Variants in PLA2G2C observed in about 807,000 individuals in gnomAD.
PLA2G2C encodes phospholipase A2 group IIC.
Under a neutral mutation model 14.3 loss-of-function variants are expected in PLA2G2C, and 15 were observed. That is an observed-to-expected ratio of 1.05 (90% confidence interval 0.70 to 1.62). PLA2G2C has a LOEUF of 1.62. Among genes scored for constraint, PLA2G2C ranks in the 40% most tolerant of loss-of-function variants. The pLI is 0.00. For synonymous variants in PLA2G2C, 79 were observed against 67.7 expected, an observed-to-expected ratio of 1.17 and a Z score of -0.82; for missense variants, 162 against 173.2, an observed-to-expected ratio of 0.94 and a Z score of 0.36.
chr1:20,185,909 C>T (rs1282719857), intron 1 of PLA2G2C, among the ~76,000 whole-genome samples: 1 of 152,186 alleles, frequency 6.6e-6, no homozygotes, highest in East Asian at 1.9e-4. Context: ...GGCCGCGGGT[C>T]CCTGTCGCCT....
At chr1:20,179,212 C>CTGTGTGTG (rs35377696) in intron 1 of PLA2G2C, among the ~76,000 whole-genome samples, 36 of 149,864 alleles carry the variant, frequency 2.4e-4, no homozygotes, top group African/African-American at 8.0e-4. Context: ...GTCAGTTTCT[C>CTGTGTGTG]TGTGTGTGTG....
chr1:20,172,959 C>T (rs2018115120), intron 3 of PLA2G2C, 62 bp from the exon 4 acceptor site: 7 of 1,199,654 alleles, frequency 5.8e-6, no homozygotes, highest in South Asian at 1.3e-5. Flanking sequence ...AAAGGGCTCA[C>T]CTGCCTCCTC....
chr1:20,167,748 C>T (rs1353178078), intron 4 of PLA2G2C, among the ~76,000 whole-genome samples: 1 of 152,218 alleles, frequency 6.6e-6, no homozygotes, highest in Non-Finnish European at 1.5e-5. Flanking sequence ...CCTGTCCAAC[C>T]TCATCTCCAT....
Position 20,164,108 on chromosome 1 carries a change from G to A in PLA2G2C, c.333C>T (p.Ala111=), listed in dbSNP as rs765577662. The change falls in exon 5 of 5, where the codon GCC becomes GCT. Residue 111 remains alanine (A), a synonymous_variant. Transcript: ENST00000679259. ...PGASCHCRLK[A]CECDKQSVHC... is the part of the protein sequence containing the mutation. Reference sequence around the variant, plus strand: ...GCACGGATTGCTTGTCACACTCACAGGCCTTCAGCCTGCAGTGGCAGCTGG... The same window carrying A: ...GCACGGATTGCTTGTCACACTCACAAGCCTTCAGCCTGCAGTGGCAGCTGG... The A allele has an allele frequency of 6.2e-7, 1 of 1,613,894 alleles. No homozygotes were observed. The highest frequency in any genetic ancestry group is 1.3e-5 in the African/African-American group (1 of 75,046).
intron 1 of PLA2G2C, among the ~76,000 whole-genome samples, chr1:20,183,243 C>A (rs145804415): frequency 6.6e-6 from 1 of 152,240 alleles, no homozygotes. Flanking sequence ...TGACATCCAG[C>A]GAAGGTAAAT....
chr1:20,173,710 A>G (rs2018130756), intron 3 of PLA2G2C, among the ~76,000 whole-genome samples: 1 of 152,228 alleles, frequency 6.6e-6, no homozygotes, highest in Non-Finnish European at 1.5e-5. Context: ...GGCTCAGTCC[A>G]TGTCCTCAAC....
intron 1 of PLA2G2C, among the ~76,000 whole-genome samples, chr1:20,185,644 G>A (rs1354537504): frequency 1.3e-5 from 2 of 152,286 alleles, no homozygotes; most frequent in Non-Finnish European, 2.9e-5. Flanking sequence ...TGGGGGCCCT[G>A]CTCCCCGCAA....
At chr1:20,171,171 C>A (rs1345246262) in intron 4 of PLA2G2C, among the ~76,000 whole-genome samples, 2 of 97,294 alleles carry the variant, frequency 2.1e-5, no homozygotes, top group Non-Finnish European at 4.4e-5. Flanking sequence ...TCCCTGGAGG[C>A]CACCTTCTCC....
intron 4 of PLA2G2C, among the ~76,000 whole-genome samples, chr1:20,170,249 G>C (rs563826828): frequency 6.6e-6 from 1 of 152,328 alleles, no homozygotes; most frequent in African/African-American, 2.4e-5. Context: ...AGACAACTCC[G>C]GCCAGACGGT....
Position 20,172,877 on chromosome 1 carries a change from G to A in PLA2G2C, c.200C>T (p.Ser67Phe), listed in dbSNP as rs370087234. 3 of 1,613,668 alleles carry A rather than the reference G, an allele frequency of 1.9e-6. No homozygotes were observed. The highest frequency in any genetic ancestry group is 2.5e-6 in the Non-Finnish European group (3 of 1,179,796). ...DTDRHSPSSP[S>F]PYEKLKEFSC... ...GAACTCCTTCAGCTTCTCGTAGGGA[G>A]AGGGAGATGAGGGGCTGTGCCTGGA... Residue 67 changes from serine (S) to phenylalanine (F), a missense_variant, in exon 4 of 5, where the codon TCT (serine) becomes TTT (phenylalanine). Ser to Phe is a radical substitution (Grantham distance 155, BLOSUM62 -2). Coordinates refer to ENST00000679259, the MANE Select transcript of PLA2G2C (RefSeq NM_001367969.2).
At chr1:20,166,658 G>C (rs10799611) in intron 4 of PLA2G2C, among the ~76,000 whole-genome samples, 54,502 of 152,046 alleles carry the variant, frequency 0.36, 10,323 homozygotes, top group East Asian at 0.65. Flanking sequence ...CTGGTCCTCT[G>C]TCTTCTTCTA....
chr1:20,185,341 A>G (rs775281099), intron 1 of PLA2G2C, among the ~76,000 whole-genome samples: 1 of 152,186 alleles, frequency 6.6e-6, no homozygotes, highest in Non-Finnish European at 1.5e-5. Flanking sequence ...GAAGGAGAGT[A>G]GGACTCGGGC....
intron 1 of PLA2G2C, among the ~76,000 whole-genome samples, chr1:20,179,181 G>C (rs150329276): frequency 1.7e-3 from 253 of 152,110 alleles, no homozygotes; most frequent in Non-Finnish European, 2.6e-3. Context: ...AACTGCCTCT[G>C]TGTGTCAACT....
intron 1 of PLA2G2C, 96 bp from the exon 2 acceptor site, chr1:20,177,535 G>T (rs1394912050): frequency 4.5e-6 from 2 of 446,442 alleles, no homozygotes; most frequent in Non-Finnish European, 7.9e-6. Flanking sequence ...AGGACTCAAA[G>T]AAATCATTTT....
intron 4 of PLA2G2C, among the ~76,000 whole-genome samples, chr1:20,166,798 G>C (rs1409895093): frequency 6.6e-6 from 1 of 152,030 alleles, no homozygotes; most frequent in East Asian, 1.9e-4. Context: ...TACTTCAGTG[G>C]CCTGCCCCAT....
Position 20,163,889 on chromosome 1 carries a change from C to G in PLA2G2C, c.*102G>C, listed in dbSNP as rs1384399576. 3 of 1,310,376 alleles carry G rather than the reference C, an allele frequency of 2.3e-6. No individual in the cohort carries two copies. The highest frequency in any genetic ancestry group is 3.0e-5 in the African/African-American group (2 of 66,844). 81.2% of individuals were successfully genotyped at this position (1,310,376 alleles called of 1,614,324 possible). The stretch of plus-strand genomic sequence containing the variant: ...TGCGGGAGACATTTTGTCCTCCCTC[C>G]CAGTGGAAGAACAGGGGCCTGTTGG... On this transcript the variant is annotated 3_prime_UTR_variant, in exon 5 of 5. Transcript: ENST00000679259.
At position 20,163,860 on chromosome 1, in the gene PLA2G2C, G is replaced by A. The variant is rs2017912334; in HGVS notation, c.*131C>T. ...TGGTCAGAATGCTGAAGGGTGAGCT[G>A]CCCTGCGGGAGACATTTTGTCCTCC... On this transcript the variant is annotated 3_prime_UTR_variant, in exon 5 of 5. Transcript: ENST00000679259. 1 of 1,043,500 alleles carries A rather than the reference G, an allele frequency of 9.6e-7. No individual in the cohort carries two copies. Among genetic ancestry groups the A allele is most frequent in the East Asian group, 2.7e-5 (1 of 37,326 alleles). The allele number at this position is 1,043,500 out of a possible 1,614,324, so 64.6% of individuals were successfully genotyped here.
intron 1 of PLA2G2C, among the ~76,000 whole-genome samples, chr1:20,178,953 G>A (rs1164092960): frequency 1.3e-5 from 2 of 152,216 alleles, no homozygotes; most frequent in Non-Finnish European, 2.9e-5. Context: ...CCTCTTCAGG[G>A]CTGGGGTACC....
intron 4 of PLA2G2C, among the ~76,000 whole-genome samples, chr1:20,168,620 A>G (rs2018017721): frequency 6.6e-6 from 1 of 152,234 alleles, no homozygotes. Context: ...AAGTCTTTGC[A>G]AAATACAAAT....
Sources: allele counts gnomAD v4.1 joint callset (sites outside exome capture counted in the v4.1 genomes callset), GRCh38; gene constraint gnomAD v4.1.1; transcripts MANE v1.5; gene names NCBI Gene and HGNC (gene_info 2026-07-23, HGNC 2026-07-21).